HSPB3: variants seen among roughly 807,000 people sequenced by gnomAD.
The protein encoded by HSPB3 is heat shock protein family B (small) member 3, also known as heat shock protein beta-3.
In HSPB3, 10 loss-of-function variants were observed where a neutral mutation model predicts 10.9. The ratio of observed to expected loss-of-function variants is 0.91; its 90% CI spans 0.56 to 1.55. HSPB3 has a LOEUF of 1.55. Ranked by LOEUF, HSPB3 falls within the 40% of genes most tolerant of loss-of-function variation. The pLI is 0.00. For missense variants in HSPB3, 176 were observed against 184.1 expected, an observed-to-expected ratio of 0.96 and a Z score of 0.25; for synonymous variants, 73 against 71.8, an observed-to-expected ratio of 1.02 and a Z score of -0.08.
rs1483033598 is a variant in HSPB3 at position 54,455,718 on chromosome 5, G to C, written c.-72G>C. The C allele has an allele frequency of 7.8e-7, 1 of 1,274,046 alleles. No individual in the cohort carries two copies. Among genetic ancestry groups the C allele is most frequent in the Non-Finnish European group, 1.1e-6 (1 of 874,092 alleles). The allele number at this position is 1,274,046 out of a possible 1,614,324, so 78.9% of individuals were successfully genotyped here. A position where few individuals can be genotyped will look rare whatever the true frequency, so the allele number is the denominator to read the frequency against. On this transcript the variant is annotated 5_prime_UTR_variant, in exon 1 of 1. Transcript: ENST00000302005. ...TAATCCAGTCAGTAGGCAACTGCAG[G>C]GGCTCGCCACTGACTGAAGGCAGTG... is the stretch of plus-strand genomic sequence containing the variant.
At position 54,456,368 on chromosome 5, in the gene HSPB3, A is replaced by G; in HGVS notation, c.*126A>G. 4.8e-6 allele frequency: 4 copies of G among 834,516 alleles called. No homozygotes were observed. The highest frequency in any genetic ancestry group is 1.4e-5 in the South Asian group (1 of 72,342). 51.7% of individuals were successfully genotyped at this position (834,516 alleles called of 1,614,324 possible). On this transcript the variant is annotated 3_prime_UTR_variant, in exon 1 of 1. Transcript: ENST00000302005. ...TGATTTTTATGAAGATTAAAAATATATACACAGTTCCTGGTATGTTGAGGT... is the reference window on the plus strand; with the variant it reads ...TGATTTTTATGAAGATTAAAAATATGTACACAGTTCCTGGTATGTTGAGGT...
In HSPB3 at chr5:54,455,964, G is replaced by A; in HGVS notation, c.175G>A (p.Ala59Thr). 1 of 1,614,120 alleles carries A rather than the reference G, an allele frequency of 6.2e-7. No homozygotes were observed. The highest frequency in any genetic ancestry group is 1.6e-4 in the Middle Eastern group (1 of 6,062). ...AGCGCAGTCTCCTCCAGTGGACTCAGCGGCAGAGACGCCACCCCGAGAAGG... is the reference window on the plus strand; with the variant it reads ...AGCGCAGTCTCCTCCAGTGGACTCAACGGCAGAGACGCCACCCCGAGAAGG... ...RAAQSPPVDS[A>T]AETPPREGKS... The change falls in exon 1 of 1, where the codon GCG (alanine) becomes ACG (threonine). Residue 59 changes from alanine to threonine, a missense_variant. By Grantham distance (58) the Ala-to-Thr change is moderately conservative. Coordinates refer to ENST00000302005, the MANE Select transcript of HSPB3 (RefSeq NM_006308.3).
rs142626276 is a variant in HSPB3 at position 54,456,068 on chromosome 5, G to A, written c.279G>A (p.Trp93Ter). Residue 93 changes from tryptophan to a stop codon, truncating the protein, a stop_gained, in exon 1 of 1, where the codon TGG (tryptophan) becomes TGA (stop). Coordinates refer to ENST00000302005, the MANE Select transcript of HSPB3 (RefSeq NM_006308.3). LOFTEE classifies it high-confidence loss of function. ...TCATCATTCAGACCTTCGAAGGCTG[G>A]CTGCTGATAAAAGCACAACACGGAA... ...EDIIIQTFEG[W>*]LLIKAQHGTR... 3 of 1,614,020 alleles carry A rather than the reference G, an allele frequency of 1.9e-6. No homozygotes were observed. Among genetic ancestry groups the A allele is most frequent in the Non-Finnish European group, 2.5e-6 (3 of 1,180,016 alleles).
rs775852198 is a variant in HSPB3, at chr5:54,455,803, T to C, written c.14T>C (p.Ile5Thr). 2 of 1,614,042 alleles carry C rather than the reference T, an allele frequency of 1.2e-6. No homozygotes were observed. The highest frequency in any genetic ancestry group is 4.5e-5 in the East Asian group (2 of 44,860). MAKIILRHLIEIPVR... is the reference protein window; with the variant it reads MAKITLRHLIEIPVR... ...TTTGCCTTCACTATGGCAAAAATCA[T>C]TTTGAGGCACCTCATAGAGATTCCA... The change falls in exon 1 of 1, where the codon ATT becomes ACT. Residue 5 changes from isoleucine (I) to threonine (T), a missense_variant. Physicochemically the swap from Ile to Thr is moderately conservative, Grantham distance 89. Coordinates refer to ENST00000302005, the MANE Select transcript of HSPB3 (RefSeq NM_006308.3).
Position 54,456,013 on chromosome 5 carries a change from TGGAC to T in HSPB3, c.226_229del (p.Asp76TrpfsTer19), listed in dbSNP as rs778945258. 6.2e-7 allele frequency: 1 copy of T among 1,614,016 alleles called. No individual in the cohort carries two copies. Among genetic ancestry groups the T allele is most frequent in the Non-Finnish European group, 8.5e-7 (1 of 1,180,004 alleles). ...GGCAAATCCCACTTTCAGATCCTGC[TGGAC>T]GTGGTCCAGTTCCTCCCTGAAGACA... is the stretch of plus-strand genomic sequence containing the variant. On this transcript the variant is annotated frameshift_variant, in exon 1 of 1. Transcript: ENST00000302005. LOFTEE classifies it high-confidence loss of function.
At position 54,456,277 on chromosome 5, in the gene HSPB3, A is replaced by C; in HGVS notation, c.*35A>C. 1 of 1,511,952 alleles carries C rather than the reference A, an allele frequency of 6.6e-7. No individual in the cohort carries two copies. Among genetic ancestry groups the C allele is most frequent in the Non-Finnish European group, 9.2e-7 (1 of 1,087,084 alleles). The allele number at this position is 1,511,952 out of a possible 1,614,324, so 93.7% of individuals were successfully genotyped here. A position where few individuals can be genotyped will look rare whatever the true frequency, so the allele number is the denominator to read the frequency against. On this transcript the variant is annotated 3_prime_UTR_variant, in exon 1 of 1. Transcript: ENST00000302005. ...GGTTCCTGTTCAGATGACATGGGGA[A>C]GATGATGGTTCAGCCACTGGTACTA...
In HSPB3 at chr5:54,456,136, G is replaced by C. The variant is rs150931007; in HGVS notation, c.347G>C (p.Arg116Pro). The C allele has an allele frequency of 1.6e-4, 256 of 1,614,102 alleles. 1 individual carries two copies. Among genetic ancestry groups the C allele is most frequent in the Admixed American group, 5.8e-4 (35 of 60,014 alleles). ...EHGFISRSFT[R>P]QYKLPDGVEI... ...GGTTTTATCTCAAGAAGCTTCACCCGACAGTACAAACTACCAGATGGTGTG... is the reference window on the plus strand; with the variant it reads ...GGTTTTATCTCAAGAAGCTTCACCCCACAGTACAAACTACCAGATGGTGTG... The change falls in exon 1 of 1, where the codon CGA (arginine) becomes CCA (proline). Residue 116 changes from arginine (R) to proline (P), a missense_variant. Arg to Pro is a moderately radical substitution (Grantham distance 103). Coordinates refer to ENST00000302005, the MANE Select transcript of HSPB3 (RefSeq NM_006308.3).
chr5:54,455,941 C>T lies in HSPB3; in HGVS notation c.152C>T (p.Ala51Val), dbSNP rs762619962. The T allele has an allele frequency of 8.1e-6, 13 of 1,614,048 alleles. No individual in the cohort carries two copies. The South Asian group carries it at 1.1e-4, about 14-fold the overall frequency. Residue 51 changes from alanine to valine, a missense_variant, in exon 1 of 1, where the codon GCG (alanine) becomes GTG (valine). By Grantham distance (64) the Ala-to-Val change is moderately conservative (BLOSUM62 0). Coordinates refer to ENST00000302005, the MANE Select transcript of HSPB3 (RefSeq NM_006308.3). ...GTGGACCTGAGGAAAACCAGGGCAG[C>T]GCAGTCTCCTCCAGTGGACTCAGCG... ...TIVDLRKTRA[A>V]QSPPVDSAAE...
chr5:54,455,787 A>T lies in HSPB3; in HGVS notation c.-3A>T, dbSNP rs1354486126. 7 of 1,613,712 alleles carry T rather than the reference A, an allele frequency of 4.3e-6. No homozygotes were observed. The highest frequency in any genetic ancestry group is 5.1e-6 in the Non-Finnish European group (6 of 1,179,734). On this transcript the variant is annotated 5_prime_UTR_variant, in exon 1 of 1. Transcript: ENST00000302005. ...GCTGTTCAAGGCTGTTTTTGCCTTC[A>T]CTATGGCAAAAATCATTTTGAGGCA...
Position 54,456,238 on chromosome 5 carries a change from A to G in HSPB3, c.449A>G (p.Lys150Arg). 6.2e-7 allele frequency: 1 copy of G among 1,612,662 alleles called. No individual in the cohort carries two copies. Among genetic ancestry groups the G allele is most frequent in the Non-Finnish European group, 8.5e-7 (1 of 1,178,644 alleles). Residue 150 changes from lysine (K) to arginine (R), a missense_variant, in exon 1 of 1, where the codon AAG becomes AGG. By Grantham distance (26) the Lys-to-Arg change is conservative (BLOSUM62 2). Coordinates refer to ENST00000302005, the MANE Select transcript of HSPB3 (RefSeq NM_006308.3). ...VVEVKDPVGTK is the reference protein window; with the variant it reads ...VVEVKDPVGTR ...GAAGTAAAGGATCCAGTTGGGACTA[A>G]GTGACATCGTATCGGTTCCTGTTCA... is the stretch of plus-strand genomic sequence containing the variant.
chr5:54,455,882 T>A lies in HSPB3; in HGVS notation c.93T>A (p.Asp31Glu), dbSNP rs749567587. The change falls in exon 1 of 1, where the codon GAT becomes GAA. Residue 31 changes from aspartate to glutamate, a missense_variant. Asp to Glu is a conservative substitution (Grantham distance 45). Transcript: ENST00000302005. ...EARGLEDCRL[D>E]HALYALPGPT... ...GAGGTCTAGAAGACTGCAGGCTGGA[T>A]CATGCTTTATATGCACTGCCTGGGC... 3.7e-6 allele frequency: 6 copies of A among 1,614,090 alleles called. No individual in the cohort carries two copies. The East Asian group carries it at 1.3e-4, about 36-fold the overall frequency.
Position 54,456,289 on chromosome 5 carries a change from A to T in HSPB3, c.*47A>T, listed in dbSNP as rs1243253989. The T allele has an allele frequency of 7.3e-7, 1 of 1,370,896 alleles. No individual in the cohort carries two copies. The allele number at this position is 1,370,896 out of a possible 1,614,324, so 84.9% of individuals were successfully genotyped here. A position where few individuals can be genotyped will look rare whatever the true frequency, so the allele number is the denominator to read the frequency against. On this transcript the variant is annotated 3_prime_UTR_variant, in exon 1 of 1. Coordinates refer to ENST00000302005, the MANE Select transcript of HSPB3 (RefSeq NM_006308.3). The stretch of plus-strand genomic sequence containing the variant: ...GATGACATGGGGAAGATGATGGTTC[A>T]GCCACTGGTACTACGAGAATGTTTG...
Position 54,455,958 on chromosome 5 carries a change from G to A in HSPB3, c.169G>A (p.Asp57Asn), listed in dbSNP as rs1761039384. The A allele has an allele frequency of 6.2e-7, 1 of 1,614,114 alleles. No homozygotes were observed. Among genetic ancestry groups the A allele is most frequent in the Non-Finnish European group, 8.5e-7 (1 of 1,180,016 alleles). Residue 57 changes from aspartate (D) to asparagine (N), a missense_variant, in exon 1 of 1, where the codon GAC becomes AAC. Transcript: ENST00000302005. ...CAGGGCAGCGCAGTCTCCTCCAGTG[G>A]ACTCAGCGGCAGAGACGCCACCCCG... is the stretch of plus-strand genomic sequence containing the variant. The part of the protein sequence containing the change: ...KTRAAQSPPV[D>N]SAAETPPREG...
At position 54,456,160 on chromosome 5, in the gene HSPB3, T is replaced by A; in HGVS notation, c.371T>A (p.Val124Glu). The change falls in exon 1 of 1, where the codon GTG (valine) becomes GAG (glutamate). Residue 124 changes from valine to glutamate, a missense_variant. Physicochemically the swap from Val to Glu is moderately radical, Grantham distance 121. Transcript: ENST00000302005. ...FTRQYKLPDG[V>E]EIKDLSAVLC... ...CGACAGTACAAACTACCAGATGGTG[T>A]GGAAATCAAAGATTTGTCTGCAGTC... 1 of 1,614,164 alleles carries A rather than the reference T, an allele frequency of 6.2e-7. No homozygotes were observed. The highest frequency in any genetic ancestry group is 1.1e-5 in the South Asian group (1 of 91,084).
rs200180930 is a variant in HSPB3 at position 54,456,089 on chromosome 5, C to T, written c.300C>T (p.His100=). 49 of 1,614,120 alleles carry T rather than the reference C, an allele frequency of 3.0e-5. No individual in the cohort carries two copies. In the Admixed American group the frequency reaches 4.3e-4, roughly 14 times the overall value. Residue 100 remains histidine (H), a synonymous_variant, in exon 1 of 1, where the codon CAC becomes CAT. Transcript: ENST00000302005. ...FEGWLLIKAQ[H]GTRMDEHGFI... is the part of the protein sequence containing the mutation. ...GCTGGCTGCTGATAAAAGCACAACA[C>T]GGAACCAGAATGGATGAGCACGGTT...
chr5:54,456,225 C>T lies in HSPB3; in HGVS notation c.436C>T (p.Pro146Ser). 1.2e-6 allele frequency: 2 copies of T among 1,613,780 alleles called. No homozygotes were observed. The highest frequency in any genetic ancestry group is 2.2e-5 in the South Asian group (2 of 91,070). Residue 146 changes from proline to serine, a missense_variant, in exon 1 of 1, where the codon CCA becomes TCA. Transcript: ENST00000302005. The stretch of plus-strand genomic sequence containing the variant: ...AATTTTGGTGGTGGAAGTAAAGGAT[C>T]CAGTTGGGACTAAGTGACATCGTAT... ...DGILVVEVKD[P>S]VGTK
rs777548146 is a variant in HSPB3, at chr5:54,455,748, G to T, written c.-42G>T. 7.1e-6 allele frequency: 11 copies of T among 1,546,260 alleles called. No homozygotes were observed. The highest frequency in any genetic ancestry group is 6.7e-5 in the East Asian group (3 of 44,528). On this transcript the variant is annotated 5_prime_UTR_variant, in exon 1 of 1. Transcript: ENST00000302005. ...CGCCACTGACTGAAGGCAGTGGAAG[G>T]TTGGCAGAAGGAGGCTGTTCAAGGC...
At position 54,456,139 on chromosome 5, in the gene HSPB3, A is replaced by G; in HGVS notation, c.350A>G (p.Gln117Arg). 6.2e-7 allele frequency: 1 copy of G among 1,614,176 alleles called. No homozygotes were observed. The highest frequency in any genetic ancestry group is 8.5e-7 in the Non-Finnish European group (1 of 1,180,016). ...HGFISRSFTR[Q>R]YKLPDGVEIK... ...TTTATCTCAAGAAGCTTCACCCGAC[A>G]GTACAAACTACCAGATGGTGTGGAA... Residue 117 changes from glutamine (Q) to arginine (R), a missense_variant, in exon 1 of 1, where the codon CAG becomes CGG. Coordinates refer to ENST00000302005, the MANE Select transcript of HSPB3 (RefSeq NM_006308.3).
Position 54,455,990 on chromosome 5 carries a change from CAA to C in HSPB3, c.203_204del (p.Lys68IlefsTer15). ...CGGCAGAGACGCCACCCCGAGAAGG[CAA>C]ATCCCACTTTCAGATCCTGCTGGAC... ...SAAETPPREGKSHFQILLDVV... is the reference protein window; with the variant it reads ...SAAETPPREGXSHFQILLDVV... On this transcript the variant is annotated frameshift_variant, in exon 1 of 1. Coordinates refer to ENST00000302005, the MANE Select transcript of HSPB3 (RefSeq NM_006308.3). LOFTEE classifies it high-confidence loss of function. 1 of 1,614,164 alleles carries C rather than the reference CAA, an allele frequency of 6.2e-7. No individual in the cohort carries two copies. The highest frequency in any genetic ancestry group is 1.1e-5 in the South Asian group (1 of 91,076).
Sources: gnomAD v4.1 joint callset for allele counts on GRCh38, gnomAD v4.1.1 for gene constraint, MANE v1.5 for transcripts, NCBI Gene and HGNC (gene_info 2026-07-23, HGNC 2026-07-21) for gene names.